PAN3: variants seen among roughly 807,000 people sequenced by gnomAD.
PAN3 encodes PAN2-PAN3 deadenylation complex subunit PAN3.
Under a neutral mutation model 96.2 loss-of-function variants are expected in PAN3, and 19 were observed. That is an observed-to-expected ratio of 0.20 (90% CI 0.14 to 0.29). PAN3 has a LOEUF of 0.29. Ranked by LOEUF, PAN3 falls within the 10% of genes least tolerant of loss-of-function variation. The pLI is 1.00. For missense variants in PAN3, 882 were observed against 1,108.1 expected (o/e 0.80, Z 2.90); for synonymous variants, 433 against 406.6 (o/e 1.06, Z -0.78).
chr13:28,244,012 T>G (rs1021356508), intron 6 of PAN3, among the ~76,000 whole-genome samples: 3 of 152,188 alleles, frequency 2.0e-5, no homozygotes, highest in Non-Finnish European at 4.4e-5. Context: ...ACATAAACTC[T>G]TTCAGAAAAG....
chr13:28,220,468 T>C, intron 6 of PAN3, 90 bp downstream of exon 6: 1 of 1,419,662 alleles, frequency 7.0e-7, no homozygotes, highest in Non-Finnish European at 9.5e-7. Flanking sequence ...AATTGTATAC[T>C]TGAATGATTC....
intron 5 of PAN3, among the ~76,000 whole-genome samples, chr13:28,197,638 T>G (rs1878218865): frequency 6.6e-6 from 1 of 152,078 alleles, no homozygotes; most frequent in African/African-American, 2.4e-5. Context: ...AGTGGCACCA[T>G]CTTACCTCAC....
intron 6 of PAN3, among the ~76,000 whole-genome samples, chr13:28,244,823 G>T (rs1884023810): frequency 6.6e-6 from 1 of 151,420 alleles, no homozygotes; most frequent in South Asian, 2.1e-4. Context: ...TAATTAGCTT[G>T]GTTAATATTT....
In PAN3 at chr13:28,256,549, C is replaced by T; in HGVS notation, c.1248+10C>T. 2 of 1,602,766 alleles carry T rather than the reference C, an allele frequency of 1.2e-6. No homozygotes were observed. Among genetic ancestry groups the T allele is most frequent in the African/African-American group, 1.3e-5 (1 of 74,580 alleles). On this transcript the variant is annotated intron_variant, in intron 7 of 18. Coordinates refer to ENST00000380958, the MANE Select transcript of PAN3 (RefSeq NM_175854.8). ...ACCTTTGACTGGAATGGTATGTCTA[C>T]ATTAAAGAGGAAATTTTAGTACTCT... is the stretch of plus-strand genomic sequence containing the variant.
chr13:28,260,267 G>A (rs577025800), intron 7 of PAN3, among the ~76,000 whole-genome samples, 180 bp from the exon 8 acceptor site: 2 of 151,966 alleles, frequency 1.3e-5, no homozygotes, highest in South Asian at 2.1e-4. Flanking sequence ...ATGATGGTGG[G>A]TACCTGTAAT....
chr13:28,192,652 G>A (rs1464625158), intron 4 of PAN3, among the ~76,000 whole-genome samples: 1 of 152,174 alleles, frequency 6.6e-6, no homozygotes, highest in African/African-American at 2.4e-5. Flanking sequence ...ACAGTGGGTT[G>A]TGGTTTGTTT....
At chr13:28,141,009 T>A (rs28642788) in intron 1 of PAN3, among the ~76,000 whole-genome samples, 41 of 120,728 alleles carry the variant, frequency 3.4e-4, no homozygotes, top group African/African-American at 1.2e-3. Context: ...GACACTTTTT[T>A]TTTTTTTTTT....
intron 6 of PAN3, among the ~76,000 whole-genome samples, chr13:28,228,421 T>A (rs1259914992): frequency 1.3e-5 from 2 of 152,210 alleles, no homozygotes; most frequent in Non-Finnish European, 2.9e-5. Context: ...ATCCTACTCA[T>A]AAATGCCTGC....
chr13:28,290,138 A>G (rs983330324), intron 18 of PAN3, among the ~76,000 whole-genome samples: 3 of 152,230 alleles, frequency 2.0e-5, no homozygotes, highest in Admixed American at 6.5e-5. Flanking sequence ...AAAATAAACA[A>G]TAAGCCAAAC....
chr13:28,248,725 G>T (rs1884443459), intron 6 of PAN3, among the ~76,000 whole-genome samples: 1 of 152,128 alleles, frequency 6.6e-6, no homozygotes, highest in South Asian at 2.1e-4. Flanking sequence ...GTTTCACCAT[G>T]TTGTTTAGGC....
chr13:28,239,973 A>G (rs1247035090), intron 6 of PAN3: 2 of 170,544 alleles, frequency 1.2e-5, no homozygotes, highest in African/African-American at 4.8e-5. Flanking sequence ...TTTAAAATAT[A>G]TGAGGTTATA....
chr13:28,247,764 G>A (rs561874357), intron 6 of PAN3, among the ~76,000 whole-genome samples: 2 of 152,196 alleles, frequency 1.3e-5, no homozygotes, highest in East Asian at 1.9e-4. Flanking sequence ...CAAGTTCTGT[G>A]TTCTGTTCCA....
chr13:28,280,658 T>C, intron 16 of PAN3, 117 bp downstream of exon 16: 1 of 919,748 alleles, frequency 1.1e-6, no homozygotes, highest in East Asian at 2.9e-5. Context: ...GCCTCCTGGG[T>C]TCAAGCGAGT....
At chr13:28,256,158 T>G (rs982874492) in intron 6 of PAN3, 134 bp from the exon 7 acceptor site, 2 of 953,466 alleles carry the variant, frequency 2.1e-6, no homozygotes, top group East Asian at 4.9e-5. Context: ...AAGATAAAAT[T>G]ATTTCCTTCA....
chr13:28,236,499 A>C (rs1173944032), intron 6 of PAN3, among the ~76,000 whole-genome samples: 1 of 152,180 alleles, frequency 6.6e-6, no homozygotes, highest in Non-Finnish European at 1.5e-5. Flanking sequence ...ATTTTATCTG[A>C]TTTGAATGAG....
chr13:28,147,552 T>C (rs934767944), intron 1 of PAN3, among the ~76,000 whole-genome samples: 3 of 152,196 alleles, frequency 2.0e-5, no homozygotes, highest in African/African-American at 4.8e-5. Context: ...TTGGGCAAAA[T>C]TACCTGACAG....
chr13:28,265,588 G>T (rs1354675256), intron 9 of PAN3, among the ~76,000 whole-genome samples: 1 of 152,126 alleles, frequency 6.6e-6, no homozygotes, highest in Non-Finnish European at 1.5e-5. Context: ...AGAGATAATG[G>T]GCATAAAGTA....
chr13:28,278,646 T>C (rs1044045580), intron 15 of PAN3, among the ~76,000 whole-genome samples: 1 of 152,144 alleles, frequency 6.6e-6, no homozygotes, highest in Non-Finnish European at 1.5e-5. Context: ...AATTAAACCA[T>C]GTATCGGGCC....
At chr13:28,289,677 C>T (rs1047863742) in intron 18 of PAN3, among the ~76,000 whole-genome samples, 9 of 152,096 alleles carry the variant, frequency 5.9e-5, no homozygotes, top group Admixed American at 3.9e-4. Context: ...GTCAGGAGAT[C>T]GAGACCATCC....
Sources: allele counts gnomAD v4.1 joint callset (sites outside exome capture counted in the v4.1 genomes callset), GRCh38; gene constraint gnomAD v4.1.1; transcripts MANE v1.5; gene names NCBI Gene and HGNC (gene_info 2026-07-23, HGNC 2026-07-21).